The following NR3C2 variants were observed in gnomAD, a reference collection of about 807,000 sequenced individuals.
NR3C2 encodes the protein mineralocorticoid receptor.
NR3C2 carries 15 observed loss-of-function variants against 86.4 expected under a neutral mutation model. The ratio of observed to expected loss-of-function variants is 0.17; its 90% confidence interval spans 0.12 to 0.27. The LOEUF (loss-of-function observed/expected upper bound fraction) is 0.27, where lower values mean the gene tolerates loss of function less well. Ranked by LOEUF, NR3C2 falls within the 10% of genes least tolerant of loss-of-function variation. The pLI is 1.00. For synonymous variants in NR3C2, 458 were observed against 450.5 expected (o/e 1.02, Z -0.21); for missense variants, 960 against 1,195.6 (o/e 0.80, Z 2.91).
chr4:148,314,682 T>C (rs972712598), intron 2 of NR3C2, among the ~76,000 whole-genome samples: 6 of 152,168 alleles, frequency 3.9e-5, no homozygotes, highest in Non-Finnish European at 8.8e-5. Flanking sequence ...AATGTCTACA[T>C]TGGTTCTGAA....
At chr4:148,370,710 A>C (rs747750142) in intron 2 of NR3C2, among the ~76,000 whole-genome samples, 1 of 152,210 alleles carries the variant, frequency 6.6e-6, no homozygotes, top group African/African-American at 2.4e-5. Context: ...TGACACTCCC[A>C]TAGTCTGGTT....
chr4:148,211,923 A>G (rs995300651), intron 3 of NR3C2, among the ~76,000 whole-genome samples: 1 of 152,224 alleles, frequency 6.6e-6, no homozygotes, highest in Middle Eastern at 3.2e-3. Flanking sequence ...GGCTTTGTCA[A>G]TTATCATCAG....
intron 8 of NR3C2, among the ~76,000 whole-genome samples, chr4:148,103,888 C>T (rs530931319): frequency 2.1e-4 from 32 of 152,322 alleles, no homozygotes; most frequent in African/African-American, 6.0e-4. Context: ...CCATACCACA[C>T]CTCAAGGCAT....
rs536710419 is a variant in NR3C2, at chr4:148,300,538, G to GT, written c.1758-40422dup. Among the ~76,000 whole-genome samples the GT allele has an allele frequency of 3.4e-5, 5 of 148,664 alleles. No homozygotes were observed. In the South Asian group the frequency reaches 8.5e-4, roughly 25 times the overall value. On this transcript the variant is annotated intron_variant, in intron 2 of 8. Coordinates refer to ENST00000358102, the MANE Select transcript of NR3C2 (RefSeq NM_000901.5). Reference sequence around the variant, plus strand: ...TTGGATTTTCTTTTTTTGGAGAAAGGTTTTTTCTCAGTCAACTGAATTATT... The same window carrying GT: ...TTGGATTTTCTTTTTTTGGAGAAAGGTTTTTTTCTCAGTCAACTGAATTATT...
At chr4:148,193,602 TTA>T (rs1054994723) in intron 4 of NR3C2, among the ~76,000 whole-genome samples, 5 of 152,264 alleles carry the variant, frequency 3.3e-5, no homozygotes, top group Admixed American at 2.0e-4. Flanking sequence ...GAATGCTATG[TTA>T]TATATATATG....
At chr4:148,111,959 T>G (rs1241913884) in intron 8 of NR3C2, among the ~76,000 whole-genome samples, 2 of 152,186 alleles carry the variant, frequency 1.3e-5, no homozygotes, top group Non-Finnish European at 2.9e-5. Context: ...TTGTGGACTT[T>G]AAATTTGTTC....
intron 4 of NR3C2, among the ~76,000 whole-genome samples, chr4:148,174,557 T>C (rs1034599745): frequency 2.6e-5 from 4 of 152,180 alleles, no homozygotes; most frequent in East Asian, 1.9e-4. Context: ...AAGGCAACCA[T>C]GGCGGGAGCC....
intron 2 of NR3C2, among the ~76,000 whole-genome samples, chr4:148,386,643 T>A (rs958202565): frequency 6.6e-6 from 1 of 152,210 alleles, no homozygotes; most frequent in Admixed American, 6.5e-5. Flanking sequence ...CAGAACAAAG[T>A]CAGATATTGG....
At chr4:148,102,880 C>T (rs948653904) in intron 8 of NR3C2, among the ~76,000 whole-genome samples, 2 of 152,164 alleles carry the variant, frequency 1.3e-5, no homozygotes, top group South Asian at 2.1e-4. Flanking sequence ...GAGCCCCACA[C>T]GACGGTGGAA....
At chr4:148,184,661 C>T (rs1376138501) in intron 4 of NR3C2, among the ~76,000 whole-genome samples, 1 of 152,046 alleles carries the variant, frequency 6.6e-6, no homozygotes, top group East Asian at 1.9e-4. Flanking sequence ...CTAGCAAGTG[C>T]TTTTTTAAAA....
At chr4:148,245,124 A>C (rs1235155708) in intron 3 of NR3C2, among the ~76,000 whole-genome samples, 1 of 152,140 alleles carries the variant, frequency 6.6e-6, no homozygotes, top group Non-Finnish European at 1.5e-5. Flanking sequence ...TTTATATACT[A>C]TTTCATCAAA....
chr4:148,290,959 A>C (rs1741769513), intron 2 of NR3C2, among the ~76,000 whole-genome samples: 1 of 152,128 alleles, frequency 6.6e-6, no homozygotes, highest in African/African-American at 2.4e-5. Context: ...AAACAAATTA[A>C]TTATCTGTTA....
At chr4:148,085,514 G>A (rs1019090848) in intron 8 of NR3C2, among the ~76,000 whole-genome samples, 1 of 152,232 alleles carries the variant, frequency 6.6e-6, no homozygotes, top group Non-Finnish European at 1.5e-5. Context: ...GAAATTTATA[G>A]CACTAAATGC....
chr4:148,283,217 G>T (rs1257180630), intron 2 of NR3C2, among the ~76,000 whole-genome samples: 1 of 152,088 alleles, frequency 6.6e-6, no homozygotes, highest in Admixed American at 6.6e-5. Context: ...CTAAGAGTGG[G>T]GTCAGGTAAG....
chr4:148,341,781 C>G (rs776307404), intron 2 of NR3C2, among the ~76,000 whole-genome samples: 21 of 152,078 alleles, frequency 1.4e-4, no homozygotes, highest in Non-Finnish European at 2.6e-4. Context: ...GCAGCAATGG[C>G]TACCCAGAAA....
chr4:148,260,390 A>C (rs563822809), intron 2 of NR3C2, among the ~76,000 whole-genome samples: 2 of 152,302 alleles, frequency 1.3e-5, no homozygotes, highest in South Asian at 2.1e-4. Context: ...TTTTTGGAGA[A>C]GGTTTATCAA....
intron 2 of NR3C2, among the ~76,000 whole-genome samples, chr4:148,280,350 C>T (rs947180154): frequency 6.6e-6 from 1 of 152,166 alleles, no homozygotes; most frequent in East Asian, 1.9e-4. Context: ...TACTTATTCA[C>T]CTAGATGGGT....
At chr4:148,216,432 A>G (rs1737541924) in intron 3 of NR3C2, among the ~76,000 whole-genome samples, 2 of 152,152 alleles carry the variant, frequency 1.3e-5, no homozygotes. Context: ...GTATGAGAAC[A>G]CTGAGGCTGG....
chr4:148,440,465 T>G (rs1750280445), intron 1 of NR3C2, among the ~76,000 whole-genome samples: 1 of 152,258 alleles, frequency 6.6e-6, no homozygotes, highest in African/African-American at 2.4e-5. Context: ...AAAAAGTTTA[T>G]GTTACTAAAG....
Sources: gnomAD v4.1 joint callset for allele counts (sites outside exome capture counted in the v4.1 genomes callset) on GRCh38, gnomAD v4.1.1 for gene constraint, MANE v1.5 for transcripts, NCBI Gene and HGNC (gene_info 2026-07-23, HGNC 2026-07-21) for gene names.